Variants in SEPTIN9 observed in about 807,000 individuals in gnomAD.
SEPTIN9 encodes septin-9.
In SEPTIN9, 13 loss-of-function variants were observed where a neutral mutation model predicts 56.6. The observed-to-expected ratio is 0.23, with a 90% CI of 0.15 to 0.37. The LOEUF (loss-of-function observed/expected upper bound fraction) is 0.37, where lower values mean the gene tolerates loss of function less well. Among genes scored for constraint, SEPTIN9 ranks in the 10% least tolerant of loss-of-function variants. SEPTIN9 has a pLI of 1.00. For synonymous variants in SEPTIN9, 332 were observed against 334.1 expected (o/e 0.99, Z 0.07); for missense variants, 650 against 823.1 (o/e 0.79, Z 2.57).
intron 3 of SEPTIN9, among the ~76,000 whole-genome samples, chr17:77,404,771 C>G (rs2036009056): frequency 6.6e-6 from 1 of 152,132 alleles, no homozygotes; most frequent in South Asian, 2.1e-4. Context: ...GCTAGTGGGC[C>G]TTGGAAGGTC....
In SEPTIN9 at chr17:77,445,273, C is replaced by CA. The variant is rs1298382408; in HGVS notation, c.722-36870dup. 2 of 468,770 alleles carry CA rather than the reference C, an allele frequency of 4.3e-6. No individual in the cohort carries two copies. Among genetic ancestry groups the CA allele is most frequent in the Admixed American group, 4.7e-5 (2 of 42,566 alleles). The allele number at this position is 468,770 out of a possible 1,614,324, so 29.0% of individuals were successfully genotyped here. On this transcript the variant is annotated intron_variant, in intron 3 of 11. Coordinates refer to ENST00000427177, the MANE Select transcript of SEPTIN9 (RefSeq NM_001113491.2). This position sits in a 1 kb window ranked among gnomAD's most constrained non-coding sequence, Gnocchi z 4.7. Reference sequence around the variant, plus strand: ...CCCTCAGAACCACATTCCTGCTCCCCAGCCCTTTCCTCCGCACCCCCATGC... The same window carrying CA: ...CCCTCAGAACCACATTCCTGCTCCCCAAGCCCTTTCCTCCGCACCCCCATGC...
chr17:77,321,979 A>T (rs890193885), intron 2 of SEPTIN9, among the ~76,000 whole-genome samples: 14 of 152,204 alleles, frequency 9.2e-5, no homozygotes, highest in African/African-American at 3.4e-4. Context: ...CCGTCCTCGG[A>T]GTGACCACCC....
At chr17:77,378,295 G>A (rs866934212) in intron 2 of SEPTIN9, among the ~76,000 whole-genome samples, 1 of 152,158 alleles carries the variant, frequency 6.6e-6, no homozygotes. Flanking sequence ...GTATGGCAGT[G>A]TAGGGATGCC....
At chr17:77,303,642 C>T (rs895467271) in intron 1 of SEPTIN9, among the ~76,000 whole-genome samples, 2 of 151,850 alleles carry the variant, frequency 1.3e-5, no homozygotes, top group Non-Finnish European at 2.9e-5. Context: ...GATCGTGCCA[C>T]TGCAGTCCAA....
At chr17:77,424,123 G>A (rs1031526357) in intron 3 of SEPTIN9, among the ~76,000 whole-genome samples, 1 of 152,246 alleles carries the variant, frequency 6.6e-6, no homozygotes, top group Non-Finnish European at 1.5e-5. Flanking sequence ...GCGTCCTGAC[G>A]TACTCCAGGC....
At chr17:77,307,112 T>G (rs2032300607) in intron 1 of SEPTIN9, 29 bp from the exon 2 acceptor site, 1 of 1,612,086 alleles carries the variant, frequency 6.2e-7, no homozygotes. Context: ...TGGCCTTGTG[T>G]GACCTTTGCC....
Position 77,498,669 on chromosome 17 carries a change from G to GA in SEPTIN9, c.*11_*12insA. 6.5e-7 allele frequency: 1 copy of GA among 1,550,294 alleles called. No homozygotes were observed. Among genetic ancestry groups the GA allele is most frequent in the Non-Finnish European group, 8.7e-7 (1 of 1,149,426 alleles). Reference sequence around the variant, plus strand: ...GCCCCGGAGATGTAGACGCCACCCTGCCCACCCCCGGGATCCTGCCCCCAA... The same window carrying GA: ...GCCCCGGAGATGTAGACGCCACCCTGACCCACCCCCGGGATCCTGCCCCCAA... On this transcript the variant is annotated 3_prime_UTR_variant, in exon 12 of 12. Transcript: ENST00000427177.
chr17:77,337,669 A>G lies in SEPTIN9; in HGVS notation c.76+30472A>G, dbSNP rs575042888. 1.2e-3 allele frequency among the ~76,000 whole-genome samples: 183 copies of G among 152,254 alleles called. 1 individual carries two copies. The highest frequency in any genetic ancestry group is 4.2e-3 in the African/African-American group (176 of 41,542). The stretch of plus-strand genomic sequence containing the variant: ...AGGTGATTGTTTGTTTTTAATCACA[A>G]ATTCAATTTAATGTATAGAAAGAGT... On this transcript the variant is annotated intron_variant, in intron 2 of 11. Transcript: ENST00000427177.
chr17:77,378,741 C>G (rs1037394785), intron 2 of SEPTIN9, among the ~76,000 whole-genome samples: 2 of 152,150 alleles, frequency 1.3e-5, no homozygotes, highest in African/African-American at 4.8e-5. Flanking sequence ...CCATGGGACC[C>G]CCCTTTTCCT....
rs369639808 is a variant in SEPTIN9 at position 77,306,521 on chromosome 17, G to GTC, written c.20-620_20-619insTC. Among the ~76,000 whole-genome samples, 550 of 152,382 alleles carry GTC rather than the reference G, an allele frequency of 3.6e-3. 2 individuals carry two copies. The highest frequency in any genetic ancestry group is 0.012 in the African/African-American group (514 of 41,594). ...CAAGGCCTGTGTGTGGGCAGAGGGAGCGCATGCCGCGGGAGGCTGCATTAA... is the reference window on the plus strand; with the variant it reads ...CAAGGCCTGTGTGTGGGCAGAGGGAGTCCGCATGCCGCGGGAGGCTGCATTAA... On this transcript the variant is annotated intron_variant, in intron 1 of 11. Transcript: ENST00000427177.
intron 2 of SEPTIN9, among the ~76,000 whole-genome samples, chr17:77,312,406 C>T (rs1873945816): frequency 6.6e-6 from 1 of 152,220 alleles, no homozygotes; most frequent in Admixed American, 6.5e-5. Flanking sequence ...CCTGCTTCTG[C>T]GCTCCTGGCT....
intron 3 of SEPTIN9, among the ~76,000 whole-genome samples, chr17:77,448,666 C>A (rs72896171): frequency 6.6e-6 from 1 of 152,048 alleles, no homozygotes; most frequent in Non-Finnish European, 1.5e-5. Context: ...TATCAAATAT[C>A]TGTCATTTTT....
At chr17:77,361,001 G>A (rs1460070236) in intron 2 of SEPTIN9, among the ~76,000 whole-genome samples, 1 of 140,344 alleles carries the variant, frequency 7.1e-6, no homozygotes, top group Middle Eastern at 3.8e-3. Context: ...CTGGCTCACT[G>A]CAACCTCTGC....
Position 77,449,866 on chromosome 17 carries a change from C to G in SEPTIN9, c.722-32278C>G, listed in dbSNP as rs922100473. On this transcript the variant is annotated intron_variant, in intron 3 of 11. Coordinates refer to ENST00000427177, the MANE Select transcript of SEPTIN9 (RefSeq NM_001113491.2). This position sits in a 1 kb window ranked among gnomAD's most constrained non-coding sequence, Gnocchi z 4.6. The stretch of plus-strand genomic sequence containing the variant: ...CGTGTGTGTCTTGCTGTAATTTTGG[C>G]GACTGGTGTTGGTGGTGCCCATTTT... Among the ~76,000 whole-genome samples, 1 of 152,126 alleles carries G rather than the reference C, an allele frequency of 6.6e-6. No individual in the cohort carries two copies. The highest frequency in any genetic ancestry group is 2.4e-5 in the African/African-American group (1 of 41,414).
intron 2 of SEPTIN9, among the ~76,000 whole-genome samples, chr17:77,343,666 C>A (rs998858901): frequency 6.6e-6 from 1 of 152,174 alleles, no homozygotes; most frequent in East Asian, 1.9e-4. Flanking sequence ...TGAGGGCAGT[C>A]TTGTGAGATG....
chr17:77,432,995 C>G (rs999357642), intron 3 of SEPTIN9, among the ~76,000 whole-genome samples: 2 of 152,158 alleles, frequency 1.3e-5, no homozygotes, highest in Non-Finnish European at 2.9e-5. Context: ...GTCAGAGAAT[C>G]CCCTGTCGCC....
At chr17:77,465,226 A>G (rs1040141453) in intron 3 of SEPTIN9, among the ~76,000 whole-genome samples, 1 of 152,210 alleles carries the variant, frequency 6.6e-6, no homozygotes, top group Admixed American at 6.5e-5. Flanking sequence ...CACACTGTGT[A>G]TCTCTTCATC....
chr17:77,478,820 A>AAG (rs57230060), intron 3 of SEPTIN9, among the ~76,000 whole-genome samples: 1 of 151,118 alleles, frequency 6.6e-6, no homozygotes, highest in African/African-American at 2.4e-5. Flanking sequence ...AAAAAAAAAA[A>AAG]GGGTGGAACA....
chr17:77,304,979 C>T (rs2065043420), intron 1 of SEPTIN9, among the ~76,000 whole-genome samples: 1 of 151,996 alleles, frequency 6.6e-6, no homozygotes, highest in Non-Finnish European at 1.5e-5. Flanking sequence ...GCTCCTCTCC[C>T]CTCCTGGTCC....
Sources: allele counts gnomAD v4.1 joint callset (sites outside exome capture counted in the v4.1 genomes callset), GRCh38; gene constraint gnomAD v4.1.1; non-coding constraint Gnocchi (gnomAD v3.1); transcripts MANE v1.5; gene names NCBI Gene and HGNC (gene_info 2026-07-23, HGNC 2026-07-21).